Variants in HSD17B11 observed in about 807,000 individuals in gnomAD.
HSD17B11 encodes hydroxysteroid 17-beta dehydrogenase 11.
A neutral mutation model predicts 27.8 loss-of-function variants in HSD17B11; 22 were observed. The observed-to-expected ratio is 0.79, with a 90% confidence interval of 0.56 to 1.13. The LOEUF (loss-of-function observed/expected upper bound fraction) is 1.13. HSD17B11 is among the 50% of genes most tolerant of loss of function. The pLI is 0.00. For synonymous variants in HSD17B11, 117 were observed against 132.8 expected (o/e 0.88, Z 0.82); for missense variants, 314 against 351.1 (o/e 0.89, Z 0.84).
At chr4:87,367,954 C>T (rs546731088) in intron 4 of HSD17B11, among the ~76,000 whole-genome samples, 27 of 152,340 alleles carry the variant, frequency 1.8e-4, no homozygotes, top group Admixed American at 1.7e-3. Flanking sequence ...TGTGGGAACA[C>T]AGGACAGGCT....
intron 1 of HSD17B11, among the ~76,000 whole-genome samples, chr4:87,386,069 C>G (rs1429044537): frequency 1.3e-5 from 2 of 152,104 alleles, no homozygotes; most frequent in African/African-American, 4.8e-5. Flanking sequence ...CTGTAACCAC[C>G]AAGCAACTAA....
intron 5 of HSD17B11, among the ~76,000 whole-genome samples, chr4:87,341,951 G>C (rs1735177939): frequency 6.6e-6 from 1 of 152,186 alleles, no homozygotes; most frequent in Non-Finnish European, 1.5e-5. Context: ...AGTTAGTACT[G>C]AGACTTTTTA....
intron 6 of HSD17B11, among the ~76,000 whole-genome samples, chr4:87,338,683 G>A (rs377046866): frequency 1.3e-5 from 2 of 152,038 alleles, no homozygotes; most frequent in African/African-American, 4.8e-5. Context: ...CTACAGGTGT[G>A]TTCCAACACG....
intron 5 of HSD17B11, among the ~76,000 whole-genome samples, chr4:87,355,261 T>C (rs943180536): frequency 1.3e-5 from 2 of 152,266 alleles, no homozygotes; most frequent in African/African-American, 4.8e-5. Flanking sequence ...AGAAAACTCA[T>C]TAACTATTTG....
In HSD17B11 at chr4:87,391,066, T is replaced by A; in HGVS notation, c.5A>T (p.Lys2Ile). The change falls in exon 1 of 7, where the codon AAA becomes ATA. Residue 2 changes from lysine (K) to isoleucine (I), a missense_variant. Coordinates refer to ENST00000358290, the MANE Select transcript of HSD17B11 (RefSeq NM_016245.5). M[K>I]FLLDILLLLP... Reference sequence around the variant, plus strand: ...AAGCAGGAGGATGTCCAGAAGAAATTTCATCCCTTTTGTGGCTGCGAGCGT... The same window carrying A: ...AAGCAGGAGGATGTCCAGAAGAAATATCATCCCTTTTGTGGCTGCGAGCGT... The A allele has an allele frequency of 6.2e-7, 1 of 1,612,184 alleles. No individual in the cohort carries two copies. Among genetic ancestry groups the A allele is most frequent in the Non-Finnish European group, 8.5e-7 (1 of 1,179,240 alleles).
At chr4:87,369,406 T>C (rs1175068947) in intron 4 of HSD17B11, among the ~76,000 whole-genome samples, 1 of 151,398 alleles carries the variant, frequency 6.6e-6, no homozygotes, top group East Asian at 1.9e-4. Context: ...AAAAATAGTC[T>C]GAATTAGTAC....
In HSD17B11 at chr4:87,338,034, G is replaced by A. The variant is rs12510079; in HGVS notation, c.813-668C>T. 6.7e-3 allele frequency among the ~76,000 whole-genome samples: 1,026 copies of A among 152,266 alleles called. 48 individuals carry two copies. The highest frequency in any genetic ancestry group is 0.06 in the Admixed American group (920 of 15,296). ...AGACCGAGATCATCCTGGCTAACACGGTGAAACCCTGTCTCTACTAAAAAT... is the reference window on the plus strand; with the variant it reads ...AGACCGAGATCATCCTGGCTAACACAGTGAAACCCTGTCTCTACTAAAAAT... On this transcript the variant is annotated intron_variant, in intron 6 of 6. Transcript: ENST00000358290.
At chr4:87,363,158 C>T (rs1262734345) in intron 4 of HSD17B11, among the ~76,000 whole-genome samples, 1 of 151,928 alleles carries the variant, frequency 6.6e-6, no homozygotes, top group Non-Finnish European at 1.5e-5. Flanking sequence ...GCAGCTTGGC[C>T]CCCGGGGAGA....
intron 5 of HSD17B11, among the ~76,000 whole-genome samples, chr4:87,353,191 G>A (rs187929842): frequency 5.3e-5 from 8 of 149,878 alleles, no homozygotes; most frequent in Non-Finnish European, 7.4e-5. Flanking sequence ...AAGCATCCTC[G>A]GGCACACATA....
chr4:87,361,411 A>G (rs1340873227), intron 4 of HSD17B11, among the ~76,000 whole-genome samples: 1 of 152,230 alleles, frequency 6.6e-6, no homozygotes, highest in Non-Finnish European at 1.5e-5. Context: ...ATGGGCAACC[A>G]GCACCCCTTG....
chr4:87,342,204 G>A (rs1735181859), intron 5 of HSD17B11, among the ~76,000 whole-genome samples: 1 of 151,984 alleles, frequency 6.6e-6, no homozygotes, highest in Non-Finnish European at 1.5e-5. Context: ...CCAACATGAT[G>A]AAACCCCATC....
At chr4:87,367,172 C>A (rs191188832) in intron 4 of HSD17B11, among the ~76,000 whole-genome samples, 9 of 152,260 alleles carry the variant, frequency 5.9e-5, no homozygotes, top group African/African-American at 1.9e-4. Flanking sequence ...TAATGGGACA[C>A]TATTGGAGAA....
At chr4:87,375,884 G>C (rs906307723) in intron 2 of HSD17B11, among the ~76,000 whole-genome samples, 17 of 152,142 alleles carry the variant, frequency 1.1e-4, no homozygotes, top group African/African-American at 4.1e-4. Flanking sequence ...TCTCCATTAG[G>C]TGGCAGTAGG....
chr4:87,382,026 G>GTA (rs1487447494), intron 2 of HSD17B11, among the ~76,000 whole-genome samples: 7 of 151,988 alleles, frequency 4.6e-5, no homozygotes, highest in Admixed American at 2.0e-4. Flanking sequence ...GAGCCCAAGA[G>GTA]TATATATATA....
intron 4 of HSD17B11, among the ~76,000 whole-genome samples, chr4:87,369,296 A>G (rs771602045): frequency 1.3e-5 from 2 of 152,192 alleles, no homozygotes; most frequent in African/African-American, 4.8e-5. Flanking sequence ...TATGAAAGCT[A>G]AAAGTGAGTA....
In HSD17B11 at chr4:87,370,955, T is replaced by C. The variant is rs1354811077; in HGVS notation, c.557+1754A>G. 1.7e-4 allele frequency among the ~76,000 whole-genome samples: 21 copies of C among 125,818 alleles called. 5 individuals are homozygous for C. Among genetic ancestry groups the C allele is most frequent in the Non-Finnish European group, 2.6e-4 (16 of 62,288 alleles). The allele number at this position is 125,818 out of a possible 152,430, so 82.5% of individuals were successfully genotyped here. A position where few individuals can be genotyped will look rare whatever the true frequency, so the allele number is the denominator to read the frequency against. ...TTTTAGTAGAGACGGGGTTTCACCG[T>C]GTTAGCCAGGATGGTCTCGATCTCC... On this transcript the variant is annotated intron_variant, in intron 4 of 6. Coordinates refer to ENST00000358290, the MANE Select transcript of HSD17B11 (RefSeq NM_016245.5).
At chr4:87,373,530 C>G (rs563485167) in intron 3 of HSD17B11, among the ~76,000 whole-genome samples, 1 of 151,852 alleles carries the variant, frequency 6.6e-6, no homozygotes, top group Admixed American at 6.6e-5. Context: ...TGCAACATGG[C>G]AAAACCTCAT....
At position 87,365,503 on chromosome 4, in the gene HSD17B11, G is replaced by T. The variant is rs528390867; in HGVS notation, c.557+7206C>A. 5.3e-5 allele frequency among the ~76,000 whole-genome samples: 8 copies of T among 152,242 alleles called. No individual in the cohort carries two copies. In the South Asian group the frequency reaches 1.7e-3, roughly 32 times the overall value. ...AACTGTTCTATTTACCTACTTTAAA[G>T]CCATCAGATTCTAGATAAGGCCTCA... is the stretch of plus-strand genomic sequence containing the variant. On this transcript the variant is annotated intron_variant, in intron 4 of 6. Coordinates refer to ENST00000358290, the MANE Select transcript of HSD17B11 (RefSeq NM_016245.5).
chr4:87,377,712 C>A (rs781005438), intron 2 of HSD17B11, among the ~76,000 whole-genome samples: 4 of 152,026 alleles, frequency 2.6e-5, no homozygotes, highest in Non-Finnish European at 4.4e-5. Context: ...TAGACCCTAG[C>A]GTCCTAATGC....
Sources: gnomAD v4.1 joint callset for allele counts (sites outside exome capture counted in the v4.1 genomes callset) on GRCh38, gnomAD v4.1.1 for gene constraint, MANE v1.5 for transcripts, NCBI Gene and HGNC (gene_info 2026-07-23, HGNC 2026-07-21) for gene names.